The following DNAH7 variants were observed in gnomAD, a reference collection of about 807,000 sequenced individuals.
DNAH7 encodes the protein dynein axonemal heavy chain 7.
A neutral mutation model predicts 444.6 loss-of-function variants in DNAH7; 397 were observed. The observed-to-expected ratio is 0.89, with a 90% CI of 0.82 to 0.97. DNAH7 has a LOEUF of 0.97. Ranked by LOEUF, DNAH7 falls within the 50% of genes least tolerant of loss-of-function variation. The probability of loss-of-function intolerance (pLI) is 0.00; values close to 1 mark genes in which losing one functional copy is unlikely to be tolerated. For missense variants in DNAH7, 4,902 were observed against 4,800.8 expected, an observed-to-expected ratio of 1.02 and a Z score of -0.62; for synonymous variants, 1,636 against 1,624.4, an observed-to-expected ratio of 1.01 and a Z score of -0.17.
chr2:195,925,038 T>C (rs1036143253), intron 22 of DNAH7, among the ~76,000 whole-genome samples: 2 of 152,062 alleles, frequency 1.3e-5, no homozygotes, highest in Admixed American at 6.5e-5. Context: ...AAAGTGAGGG[T>C]TCCCAAGAAT....
chr2:195,834,446 TAA>T, intron 47 of DNAH7, 86 bp from the exon 48 acceptor site: 2 of 1,377,812 alleles, frequency 1.5e-6, no homozygotes, highest in Non-Finnish European at 1.9e-6. Flanking sequence ...GGTCACTTTT[TAA>T]AAGTTTGCCC....
chr2:195,817,951 G>C (rs10497767), intron 49 of DNAH7, 122 bp from the exon 50 acceptor site: 46,907 of 648,022 alleles, frequency 0.072, 2,043 homozygotes, highest in Middle Eastern at 0.1. Flanking sequence ...TACTTGTGAA[G>C]GTGTAATTTG....
At chr2:195,803,093 T>C (rs1452955366) in intron 54 of DNAH7, among the ~76,000 whole-genome samples, 1 of 152,244 alleles carries the variant, frequency 6.6e-6, no homozygotes, top group African/African-American at 2.4e-5. Flanking sequence ...TACCCTTTTC[T>C]TTATTATTAT....
At chr2:196,039,277 G>T (rs1413943947) in intron 5 of DNAH7, among the ~76,000 whole-genome samples, 3 of 152,030 alleles carry the variant, frequency 2.0e-5, no homozygotes, top group South Asian at 4.1e-4. Context: ...AAAACATTAA[G>T]ATGGAAATAA....
chr2:195,870,173 G>C (rs993492754), intron 40 of DNAH7, among the ~76,000 whole-genome samples: 1 of 152,074 alleles, frequency 6.6e-6, no homozygotes, highest in East Asian at 1.9e-4. Context: ...CTGTGTGCCA[G>C]GCACTGGGAA....
intron 10 of DNAH7, among the ~76,000 whole-genome samples, chr2:196,009,764 T>C (rs1367425646): frequency 2.0e-5 from 3 of 152,140 alleles, no homozygotes; most frequent in African/African-American, 7.2e-5. Flanking sequence ...CTATTCATTG[T>C]ACAAAGGATT....
Position 195,891,794 on chromosome 2 carries a change from T to C in DNAH7, c.4907A>G (p.Glu1636Gly), listed in dbSNP as rs1286925251. ...AACAGTTATTTGAACTTTGTTTTCT[T>C]CCATTAGCCCCTTAATGAAAAAAAA... The part of the protein sequence containing the change: ...LNDICEKGLM[E>G]ENKVQITVLN... Residue 1636 changes from glutamate (E) to glycine (G), a missense_variant, in exon 31 of 65, where the codon GAA becomes GGA. By Grantham distance (98) the Glu-to-Gly change is moderately conservative (BLOSUM62 -2). Coordinates refer to ENST00000312428, the MANE Select transcript of DNAH7 (RefSeq NM_018897.3). 3.2e-6 allele frequency: 5 copies of C among 1,565,698 alleles called. No individual in the cohort carries two copies. The highest frequency in any genetic ancestry group is 4.3e-6 in the Non-Finnish European group (5 of 1,162,882).
intron 12 of DNAH7, chr2:195,994,955 G>C: frequency 3.5e-6 from 1 of 288,744 alleles, no homozygotes; most frequent in Non-Finnish European, 6.7e-6. Context: ...TCTTTAGACA[G>C]AGTCTTGCTC....
chr2:195,996,212 T>C (rs945282811), intron 12 of DNAH7, among the ~76,000 whole-genome samples: 1 of 152,198 alleles, frequency 6.6e-6, no homozygotes, highest in African/African-American at 2.4e-5. Context: ...TCACTGACCT[T>C]TGATCTTTGA....
rs267599139 is a variant in DNAH7 at position 195,873,667 on chromosome 2, C to A, written c.6314G>T (p.Arg2105Leu). 3 of 1,530,426 alleles carry A rather than the reference C, an allele frequency of 2.0e-6. No homozygotes were observed. Among genetic ancestry groups the A allele is most frequent in the East Asian group, 2.5e-5 (1 of 40,248 alleles). The allele number at this position is 1,530,426 out of a possible 1,614,324, so 94.8% of individuals were successfully genotyped here. A position where few individuals can be genotyped will look rare whatever the true frequency, so the allele number is the denominator to read the frequency against. Residue 2105 changes from arginine (R) to leucine (L), a missense_variant, in exon 39 of 65, where the codon CGA becomes CTA. Coordinates refer to ENST00000312428, the MANE Select transcript of DNAH7 (RefSeq NM_018897.3). ...PGGGRNPVTP[R>L]YMRHFNIITI... ...TATAATATTGAAATGTCGCATGTAT[C>A]GAGGAGTTACTGGATTTCGACCACC...
intron 13 of DNAH7, 113 bp from the exon 14 acceptor site, chr2:195,987,306 T>A (rs1248112136): frequency 2.8e-6 from 2 of 708,218 alleles, no homozygotes; most frequent in Non-Finnish European, 4.3e-6. Context: ...AAGATTGAGA[T>A]TTTTAAAAAT....
At position 195,817,803 on chromosome 2, in the gene DNAH7, G is replaced by A. The variant is rs1302152233; in HGVS notation, c.9318C>T (p.Thr3106=). 1 of 1,604,106 alleles carries A rather than the reference G, an allele frequency of 6.2e-7. No homozygotes were observed. Among genetic ancestry groups the A allele is most frequent in the Non-Finnish European group, 8.5e-7 (1 of 1,176,672 alleles). ...GAAGCTGATCTTGCATTCCCTCAGGGGTTATCATGAAGTTTAATAATGTTA... is the reference window on the plus strand; with the variant it reads ...GAAGCTGATCTTGCATTCCCTCAGGAGTTATCATGAAGTTTAATAATGTTA... ...VKVTLLNFMI[T]PEGMQDQLLG... The change falls in exon 50 of 65, where the codon ACC becomes ACT. Residue 3106 remains threonine, a synonymous_variant. Transcript: ENST00000312428.
At chr2:195,874,099 TTAGGGTACTTCCCACAAGGC>T (rs11274661) in intron 38 of DNAH7, among the ~76,000 whole-genome samples, 2,737 of 152,278 alleles carry the variant, frequency 0.018, 76 homozygotes, top group African/African-American at 0.062. Context: ...TGACCAAAGT[TTAGGGTACTTCCCACAAGGC>T]TCGAATTCAG....
At chr2:196,022,463 T>C (rs1030775947) in intron 8 of DNAH7, among the ~76,000 whole-genome samples, 5 of 152,212 alleles carry the variant, frequency 3.3e-5, no homozygotes, top group African/African-American at 9.6e-5. Context: ...AAATCCTTTG[T>C]TGTCATTTCA....
chr2:195,911,057 T>C (rs1427634458), intron 24 of DNAH7, among the ~76,000 whole-genome samples: 1 of 152,088 alleles, frequency 6.6e-6, no homozygotes, highest in African/African-American at 2.4e-5. Flanking sequence ...CAAGACTGCA[T>C]GGGGAAACAA....
At chr2:196,016,109 C>G (rs1394337026) in intron 9 of DNAH7, among the ~76,000 whole-genome samples, 2 of 152,126 alleles carry the variant, frequency 1.3e-5, no homozygotes, top group Non-Finnish European at 2.9e-5. Context: ...TTTCTTCCCC[C>G]TTTTCATTTT....
At position 196,051,594 on chromosome 2, in the gene DNAH7, C is replaced by T. The variant is rs1487044880; in HGVS notation, c.79-345G>A. Among the ~76,000 whole-genome samples the T allele has an allele frequency of 3.4e-4, 51 of 151,916 alleles. 2 individuals are homozygous for T. Among genetic ancestry groups the T allele is most frequent in the Admixed American group, 2.8e-3 (42 of 15,238 alleles). On this transcript the variant is annotated intron_variant, in intron 2 of 64. Coordinates refer to ENST00000312428, the MANE Select transcript of DNAH7 (RefSeq NM_018897.3). ...CATCCTGGCTAACATGGTGAAACCC[C>T]GTCTCTACTAAAAATACAAAAAATT...
intron 54 of DNAH7, among the ~76,000 whole-genome samples, chr2:195,800,361 G>A (rs1367962405): frequency 6.6e-6 from 1 of 152,158 alleles, no homozygotes; most frequent in Non-Finnish European, 1.5e-5. Flanking sequence ...TCCAATCACG[G>A]CAAGTGGATG....
chr2:195,818,522 A>T (rs73986951), intron 49 of DNAH7, among the ~76,000 whole-genome samples: 14,140 of 151,970 alleles, frequency 0.093, 737 homozygotes, highest in African/African-American at 0.13. Flanking sequence ...CTCTTTTTTT[A>T]AAAAAAGCAA....
Sources: gnomAD v4.1 joint callset for allele counts (sites outside exome capture counted in the v4.1 genomes callset) on GRCh38, gnomAD v4.1.1 for gene constraint, MANE v1.5 for transcripts, NCBI Gene and HGNC (gene_info 2026-07-23, HGNC 2026-07-21) for gene names.